PLCB4: variants seen among roughly 807,000 people sequenced by gnomAD.
PLCB4 encodes the protein 1-phosphatidylinositol 4,5-bisphosphate phosphodiesterase beta-4.
PLCB4 carries 77 observed loss-of-function variants against 178.8 expected under a neutral mutation model. The observed-to-expected ratio is 0.43, with a 90% CI of 0.36 to 0.52. The LOEUF (loss-of-function observed/expected upper bound fraction) is 0.52. Among genes scored for constraint, PLCB4 ranks in the 20% least tolerant of loss-of-function variants. The pLI is 0.00. For missense variants in PLCB4, 1,024 were observed against 1,453.4 expected, an observed-to-expected ratio of 0.70 and a Z score of 4.80; for synonymous variants, 496 against 490.8, an observed-to-expected ratio of 1.01 and a Z score of -0.14.
intron 4 of PLCB4, among the ~76,000 whole-genome samples, chr20:9,334,461 A>C (rs749487230): frequency 6.6e-6 from 1 of 152,144 alleles, no homozygotes; most frequent in Non-Finnish European, 1.5e-5. Context: ...ATTGAGAAGG[A>C]AATATAAGAT....
intron 4 of PLCB4, among the ~76,000 whole-genome samples, chr20:9,314,733 C>T (rs1281110289): frequency 1.3e-5 from 2 of 152,044 alleles, no homozygotes; most frequent in Admixed American, 1.3e-4. Context: ...GCGCATCTTC[C>T]TCTCTCAGTC....
At chr20:9,386,804 C>T (rs1055341401) in intron 14 of PLCB4, among the ~76,000 whole-genome samples, 2 of 107,810 alleles carry the variant, frequency 1.9e-5, no homozygotes, top group African/African-American at 7.0e-5. Flanking sequence ...TGCTATCCCT[C>T]CCCCCTCCCC....
intron 3 of PLCB4, among the ~76,000 whole-genome samples, chr20:9,258,278 G>C (rs1316251373): frequency 6.6e-6 from 1 of 152,156 alleles, no homozygotes; most frequent in East Asian, 1.9e-4. Flanking sequence ...TAATATGCAT[G>C]TATAATCACT....
At chr20:9,362,040 A>G (rs1399444278) in intron 7 of PLCB4, among the ~76,000 whole-genome samples, 1 of 152,190 alleles carries the variant, frequency 6.6e-6, no homozygotes, top group African/African-American at 2.4e-5. Flanking sequence ...CCGCAAATCT[A>G]AGCAGTCAGG....
chr20:9,123,863 CTT>C (rs993085219), intron 2 of PLCB4, among the ~76,000 whole-genome samples: 8 of 151,760 alleles, frequency 5.3e-5, no homozygotes, highest in African/African-American at 1.9e-4. Context: ...AGTTGGCAGA[CTT>C]TTTCTGTAAA....
intron 2 of PLCB4, among the ~76,000 whole-genome samples, chr20:9,129,407 C>T (rs978451576): frequency 1.3e-5 from 2 of 152,122 alleles, no homozygotes; most frequent in African/African-American, 4.8e-5. Context: ...CGCAGTTACC[C>T]TTGGTGGTAA....
At chr20:9,075,640 G>A (rs1458673432) in intron 1 of PLCB4, among the ~76,000 whole-genome samples, 2 of 152,224 alleles carry the variant, frequency 1.3e-5, no homozygotes, top group African/African-American at 4.8e-5. Context: ...TTAGGGAGTG[G>A]TGAGGCTTGC....
At chr20:9,094,646 C>G (rs2090829112) in intron 1 of PLCB4, among the ~76,000 whole-genome samples, 1 of 152,158 alleles carries the variant, frequency 6.6e-6, no homozygotes, top group African/African-American at 2.4e-5. Context: ...ATCCATTACT[C>G]CTCCCCATCA....
intron 35 of PLCB4, among the ~76,000 whole-genome samples, chr20:9,460,588 C>T (rs555132505): frequency 2.6e-5 from 4 of 152,338 alleles, no homozygotes; most frequent in Non-Finnish European, 5.9e-5. Flanking sequence ...TATCCCTGAG[C>T]AGAAGAAGGT....
chr20:9,236,916 A>G (rs150331699), intron 3 of PLCB4, among the ~76,000 whole-genome samples: 46 of 152,302 alleles, frequency 3.0e-4, no homozygotes, highest in African/African-American at 1.1e-3. Context: ...CCACATACAG[A>G]TTACTCTTGT....
Position 9,401,581 on chromosome 20 carries a change from C to T in PLCB4, c.1602C>T (p.Ser534=), listed in dbSNP as rs201929769. The change falls in exon 20 of 40, where the codon AGC becomes AGT. Residue 534 remains serine, a synonymous_variant. Transcript: ENST00000378473. ...DLGHKEAVAN[S]VKKASDDLEH... ...GTCACAAGGAAGCTGTTGCAAATAG[C>T]GTCAAGAAGGTCAGAGTCCCCTTTC... 1.5e-4 allele frequency: 241 copies of T among 1,608,150 alleles called. No individual in the cohort carries two copies. Among genetic ancestry groups the T allele is most frequent in the Non-Finnish European group, 2.0e-4 (231 of 1,174,936 alleles).
At chr20:9,170,031 G>GT (rs1179139601) in intron 2 of PLCB4, among the ~76,000 whole-genome samples, 1 of 152,018 alleles carries the variant, frequency 6.6e-6, no homozygotes, top group Non-Finnish European at 1.5e-5. Flanking sequence ...ATCCTTACTT[G>GT]TACATAGCTT....
intron 2 of PLCB4, among the ~76,000 whole-genome samples, chr20:9,098,389 G>T (rs146606897): frequency 1.3e-5 from 2 of 152,094 alleles, no homozygotes; most frequent in Non-Finnish European, 2.9e-5. Flanking sequence ...GAAAAAATTC[G>T]ACTTTCAACT....
chr20:9,393,062 T>C (rs1295484126), intron 17 of PLCB4, among the ~76,000 whole-genome samples: 2 of 152,080 alleles, frequency 1.3e-5, no homozygotes, highest in African/African-American at 2.4e-5. Flanking sequence ...ATTCCAGGAA[T>C]TGGAACAACT....
chr20:9,468,537 C>T (rs201294522), intron 35 of PLCB4, 34 bp from the exon 36 acceptor site: 8 of 1,266,990 alleles, frequency 6.3e-6, no homozygotes, highest in Non-Finnish European at 8.1e-6. Flanking sequence ...CTCCATCCCC[C>T]CTCCCTGTTT....
At chr20:9,131,454 T>G (rs1600624911) in intron 2 of PLCB4, among the ~76,000 whole-genome samples, 1 of 152,274 alleles carries the variant, frequency 6.6e-6, no homozygotes, top group East Asian at 1.9e-4. Flanking sequence ...CTTTACTTGT[T>G]GAAGGAATGA....
At chr20:9,136,960 G>A (rs1161749072) in intron 2 of PLCB4, among the ~76,000 whole-genome samples, 1 of 152,032 alleles carries the variant, frequency 6.6e-6, no homozygotes, top group Non-Finnish European at 1.5e-5. Context: ...GCTTCTAGAG[G>A]AGACTGGAGG....
Position 9,438,335 on chromosome 20 carries a change from C to T in PLCB4, c.2764+1183C>T, listed in dbSNP as rs544709022. Among the ~76,000 whole-genome samples the T allele has an allele frequency of 2.8e-4, 42 of 148,716 alleles. 1 individual carries two copies. The South Asian group carries it at 7.4e-3, about 26-fold the overall frequency. ...GAGCTGAGATAGCGCCACTGCAGTC[C>T]GGCCTGGGTGAAAGAGGGAGACTAT... is the stretch of plus-strand genomic sequence containing the variant. On this transcript the variant is annotated intron_variant, in intron 30 of 39. Coordinates refer to ENST00000378473, the MANE Select transcript of PLCB4 (RefSeq NM_001377142.1).
intron 2 of PLCB4, among the ~76,000 whole-genome samples, chr20:9,171,538 C>T (rs192914120): frequency 2.5e-3 from 384 of 152,194 alleles, no homozygotes; most frequent in Non-Finnish European, 4.5e-3. Flanking sequence ...TCTTGTTTTC[C>T]AAGTTACTTA....
Sources: gnomAD v4.1 joint callset for allele counts (sites outside exome capture counted in the v4.1 genomes callset) on GRCh38, gnomAD v4.1.1 for gene constraint, MANE v1.5 for transcripts, NCBI Gene and HGNC (gene_info 2026-07-23, HGNC 2026-07-21) for gene names.